TCF7L2: variants seen among roughly 807,000 people sequenced by gnomAD.
The protein encoded by TCF7L2 is transcription factor 7 like 2, also known as transcription factor 7-like 2.
TCF7L2 carries 23 observed loss-of-function variants against 77.9 expected under a neutral mutation model. The ratio of observed to expected loss-of-function variants is 0.30; its 90% CI spans 0.21 to 0.42. TCF7L2 has a LOEUF of 0.42. Among genes scored for constraint, TCF7L2 ranks in the 10% least tolerant of loss-of-function variants. The pLI is 1.00. For missense variants in TCF7L2, 654 were observed against 793.1 expected (o/e 0.82, Z 2.11); for synonymous variants, 413 against 340.2 (o/e 1.21, Z -2.36).
rs1223779804 is a variant in TCF7L2, at chr10:113,098,118, TC to T, written c.553-43064del. On this transcript the variant is annotated intron_variant, in intron 5 of 13. Coordinates refer to ENST00000627217, the MANE Select transcript of TCF7L2 (RefSeq NM_001146274.2). ...ATGTCGTACCTGAAGGGAAGGTAGGTCCTTTCCCTGCCCTTCTTCCCCATTT... is the reference window on the plus strand; with the variant it reads ...ATGTCGTACCTGAAGGGAAGGTAGGTCTTTCCCTGCCCTTCTTCCCCATTT... Among the ~76,000 whole-genome samples the T allele has an allele frequency of 2.0e-5, 3 of 149,062 alleles. No homozygotes were observed. The East Asian group carries it at 5.9e-4, about 29-fold the overall frequency.
chr10:113,005,174 A>G (rs1023416512), intron 4 of TCF7L2, among the ~76,000 whole-genome samples: 5 of 152,222 alleles, frequency 3.3e-5, no homozygotes, highest in Non-Finnish European at 7.3e-5. Flanking sequence ...CTTAGCGCTG[A>G]AGACGGTGTC....
chr10:113,043,233 G>A (rs898546436), intron 5 of TCF7L2, among the ~76,000 whole-genome samples: 1 of 152,184 alleles, frequency 6.6e-6, no homozygotes, highest in Non-Finnish European at 1.5e-5. Context: ...GTACCCATAT[G>A]GGGCAGAATC....
At chr10:113,036,839 G>A (rs1186195563) in intron 4 of TCF7L2, among the ~76,000 whole-genome samples, 1 of 152,146 alleles carries the variant, frequency 6.6e-6, no homozygotes, top group African/African-American at 2.4e-5. Flanking sequence ...GAGGAAGAGA[G>A]CTGGAGCCCA....
At chr10:113,065,086 T>C (rs2057068470) in intron 5 of TCF7L2, among the ~76,000 whole-genome samples, 1 of 152,198 alleles carries the variant, frequency 6.6e-6, no homozygotes, top group South Asian at 2.1e-4. Context: ...CCACCTGTCA[T>C]TGAATTACAA....
rs2043556103 is a variant in TCF7L2 at position 112,996,733 on chromosome 10, A to G, written c.450+32109A>G. 3.9e-5 allele frequency among the ~76,000 whole-genome samples: 6 copies of G among 152,332 alleles called. No individual in the cohort carries two copies. The South Asian group carries it at 1.0e-3, about 26-fold the overall frequency. ...GTTCAGTCAGAACCCAAAAGGGGCC[A>G]AAGAGATGGTTTCCTTCAACCTCCA... On this transcript the variant is annotated intron_variant, in intron 4 of 13. Coordinates refer to ENST00000627217, the MANE Select transcript of TCF7L2 (RefSeq NM_001146274.2).
At chr10:113,001,817 G>A (rs1179131982) in intron 4 of TCF7L2, among the ~76,000 whole-genome samples, 1 of 152,180 alleles carries the variant, frequency 6.6e-6, no homozygotes, top group Non-Finnish European at 1.5e-5. Flanking sequence ...GCTTCACTAA[G>A]ATAGTCTTGT....
At chr10:113,164,560 T>G (rs1465112445) in intron 13 of TCF7L2, among the ~76,000 whole-genome samples, 1 of 148,216 alleles carries the variant, frequency 6.7e-6, no homozygotes, top group Non-Finnish European at 1.5e-5. Context: ...TCCAACCTTC[T>G]CACTACGGGG....
chr10:113,076,197 A>G (rs911769), intron 5 of TCF7L2, among the ~76,000 whole-genome samples: 100,449 of 150,912 alleles, frequency 0.67, 34,440 homozygotes, highest in African/African-American at 0.82. Context: ...GGATATACTG[A>G]CTTGATCATA....
In TCF7L2 at chr10:113,165,877, A is replaced by G. The variant is rs899775528; in HGVS notation, c.1714A>G (p.Ile572Val). The G allele has an allele frequency of 1.4e-5, 22 of 1,605,110 alleles. No homozygotes were observed. The highest frequency in any genetic ancestry group is 3.4e-5 in the Admixed American group (2 of 59,130). The change falls in exon 14 of 14, where the codon ATT becomes GTT. Residue 572 changes from isoleucine (I) to valine (V), a missense_variant. Coordinates refer to ENST00000627217, the MANE Select transcript of TCF7L2 (RefSeq NM_001146274.2). ...GCAGCCTGCCGCCCCCTCCTCATCA[A>G]TTGCACAGCCGTCGACTTCTTCCTT...
chr10:113,006,061 G>T (rs2045492385), intron 4 of TCF7L2, among the ~76,000 whole-genome samples: 1 of 152,134 alleles, frequency 6.6e-6, no homozygotes, highest in Admixed American at 6.5e-5. Flanking sequence ...GGAAGAACTT[G>T]TTAGATTTGG....
Position 113,167,101 on chromosome 10 carries a change from C to G in TCF7L2, c.*1129C>G. On this transcript the variant is annotated 3_prime_UTR_variant, in exon 14 of 14. Transcript: ENST00000627217. ...AAATTCTCAGTGAATTTAGCTTTCT[C>G]CCTCTTTTTGATGCTGTAATTTTTG... The G allele has an allele frequency of 4.3e-6, 1 of 230,240 alleles. No homozygotes were observed. Among genetic ancestry groups the G allele is most frequent in the East Asian group, 6.2e-5 (1 of 16,154 alleles). The allele number at this position is 230,240 out of a possible 1,614,324, so 14.3% of individuals were successfully genotyped here.
At chr10:112,978,172 G>T (rs979512569) in intron 4 of TCF7L2, among the ~76,000 whole-genome samples, 1 of 152,182 alleles carries the variant, frequency 6.6e-6, no homozygotes, top group South Asian at 2.1e-4. Context: ...AGTTAAGAGG[G>T]ATTATTATTT....
chr10:112,984,541 C>T (rs2041124177), intron 4 of TCF7L2, among the ~76,000 whole-genome samples: 1 of 152,056 alleles, frequency 6.6e-6, no homozygotes. Flanking sequence ...GCATAGCCCC[C>T]CACCCCTTTT....
chr10:113,047,211 A>G (rs779379302), intron 5 of TCF7L2, among the ~76,000 whole-genome samples: 13 of 152,220 alleles, frequency 8.5e-5, no homozygotes, highest in Non-Finnish European at 1.6e-4. Flanking sequence ...AAAGGTAGAA[A>G]AGAACAAAGT....
intron 4 of TCF7L2, among the ~76,000 whole-genome samples, chr10:113,037,566 AT>A (rs1461828397): frequency 1.3e-5 from 2 of 152,138 alleles, no homozygotes; most frequent in East Asian, 3.8e-4. Flanking sequence ...GCCTATGGAG[AT>A]TGGATGTGGC....
At chr10:113,033,644 A>G (rs1234677519) in intron 4 of TCF7L2, among the ~76,000 whole-genome samples, 2 of 152,190 alleles carry the variant, frequency 1.3e-5, no homozygotes, top group African/African-American at 2.4e-5. Flanking sequence ...TATAGTACAT[A>G]CTTATTTATG....
At chr10:113,165,073 TCA>T (rs1162961719) in intron 13 of TCF7L2, among the ~76,000 whole-genome samples, 1 of 151,830 alleles carries the variant, frequency 6.6e-6, no homozygotes, top group Non-Finnish European at 1.5e-5. Context: ...ACTCACACAC[TCA>T]CACACACACA....
chr10:113,075,036 C>T (rs1278334517), intron 5 of TCF7L2, among the ~76,000 whole-genome samples: 1 of 152,226 alleles, frequency 6.6e-6, no homozygotes, highest in Non-Finnish European at 1.5e-5. Flanking sequence ...GAGACAGGGT[C>T]TGGCTCTGTT....
chr10:113,153,049 A>G (rs1460707218), intron 11 of TCF7L2, among the ~76,000 whole-genome samples: 1 of 152,236 alleles, frequency 6.6e-6, no homozygotes, highest in Non-Finnish European at 1.5e-5. Flanking sequence ...CTCTGGCCCC[A>G]GCAAGGGCAG....
Sources: gnomAD v4.1 joint callset for allele counts (sites outside exome capture counted in the v4.1 genomes callset) on GRCh38, gnomAD v4.1.1 for gene constraint, MANE v1.5 for transcripts, NCBI Gene and HGNC (gene_info 2026-07-23, HGNC 2026-07-21) for gene names.